The following NOX5 variants were observed in gnomAD, a reference collection of about 807,000 sequenced individuals.
NOX5 encodes NADPH oxidase, EF-hand calcium binding domain 5.
Under a neutral mutation model 85.7 loss-of-function variants are expected in NOX5, and 76 were observed. That is an observed-to-expected ratio of 0.89 (90% confidence interval 0.74 to 1.07). NOX5 has a LOEUF of 1.07. Among genes scored for constraint, NOX5 ranks in the 50% least tolerant of loss-of-function variants. The probability of loss-of-function intolerance (pLI) is 0.00; values close to 1 mark genes in which losing one functional copy is unlikely to be tolerated. For synonymous variants in NOX5, 405 were observed against 401.4 expected, an observed-to-expected ratio of 1.01 and a Z score of -0.11; for missense variants, 973 against 999.5, an observed-to-expected ratio of 0.97 and a Z score of 0.36.
chr15:69,028,143 A>C, intron 2 of NOX5, 72 bp from the exon 3 acceptor site: 1 of 1,481,058 alleles, frequency 6.8e-7, no homozygotes, highest in Non-Finnish European at 9.1e-7. Flanking sequence ...AGACACAGGG[A>C]GACAGTGAAC....
At chr15:69,028,404 T>C (rs201350487) in intron 3 of NOX5, 39 bp downstream of exon 3, 5 of 1,516,182 alleles carry the variant, frequency 3.3e-6, no homozygotes, top group Non-Finnish European at 4.4e-6. Flanking sequence ...GGTGGGGAGA[T>C]CAGTGGGCCT....
In NOX5 at chr15:69,035,912, C is replaced by A; in HGVS notation, c.1164C>A (p.Cys388Ter). 1 of 1,614,218 alleles carries A rather than the reference C, an allele frequency of 6.2e-7. No individual in the cohort carries two copies. The highest frequency in any genetic ancestry group is 1.3e-5 in the African/African-American group (1 of 75,070). ...LLLMFICSSS[C>*]IRRSGHFEVF... ...TCATGTTCATCTGCTCCAGTTCCTGCATCCGCAGGAGTGGCCACTTTGAGG... is the reference window on the plus strand; with the variant it reads ...TCATGTTCATCTGCTCCAGTTCCTGAATCCGCAGGAGTGGCCACTTTGAGG... The change falls in exon 7 of 16, where the codon TGC (cysteine) becomes TGA (stop). Residue 388 changes from cysteine to a stop codon, truncating the protein, a stop_gained. Coordinates refer to ENST00000388866, the MANE Select transcript of NOX5 (RefSeq NM_024505.4). LOFTEE classifies it high-confidence loss of function.
In NOX5 at chr15:69,047,531, T is replaced by C. The variant is rs770756222; in HGVS notation, c.1811T>C (p.Met604Thr). 25 of 1,613,598 alleles carry C rather than the reference T, an allele frequency of 1.5e-5. No homozygotes were observed. Among genetic ancestry groups the C allele is most frequent in the Non-Finnish European group, 1.9e-5 (23 of 1,179,884 alleles). Residue 604 changes from methionine to threonine, a missense_variant, in exon 12 of 16, where the codon ATG becomes ACG. Met to Thr is a moderately conservative substitution (Grantham distance 81). Coordinates refer to ENST00000388866, the MANE Select transcript of NOX5 (RefSeq NM_024505.4). ...TPFASILQSI[M>T]YRHQKRKHTC... The stretch of plus-strand genomic sequence containing the variant: ...TTTGCTTCCATTCTGCAGAGTATCA[T>C]GTACAGGTGGGTGAACAGTGTGCTC...
chr15:69,044,995 C>T (rs140893816), intron 10 of NOX5, among the ~76,000 whole-genome samples: 1,656 of 152,232 alleles, frequency 0.011, 74 homozygotes, highest in Admixed American at 0.084. Context: ...CTGGTGTACA[C>T]GAAGACAAAG....
At chr15:69,032,739 T>A (rs746413823) in intron 4 of NOX5, among the ~76,000 whole-genome samples, 6 of 152,304 alleles carry the variant, frequency 3.9e-5, no homozygotes, top group Non-Finnish European at 8.8e-5. Context: ...TTCTTGGGGC[T>A]TACTTACCAA....
At position 69,061,748 on chromosome 15, in the gene NOX5, T is replaced by A. The variant is rs1177687437; in HGVS notation, c.*5052T>A. ...CATGGCCCCAAAAGGGCTGCCCTAA[T>A]ACTACTCAGGGACAAATGGGCCCTC... On this transcript the variant is annotated 3_prime_UTR_variant, in exon 16 of 16. Coordinates refer to ENST00000388866, the MANE Select transcript of NOX5 (RefSeq NM_024505.4). The A allele has an allele frequency of 6.6e-6, 1 of 152,192 alleles. No individual in the cohort carries two copies. The allele number at this position is 152,192 out of a possible 1,614,324, so 9.4% of individuals were successfully genotyped here.
rs746649309 is a variant in NOX5 at position 69,047,848 on chromosome 15, T to C, written c.1836T>C (p.His612=). The change falls in exon 13 of 16, where the codon CAT becomes CAC. Residue 612 remains histidine (H), a synonymous_variant. Coordinates refer to ENST00000388866, the MANE Select transcript of NOX5 (RefSeq NM_024505.4). The part of the protein sequence containing the change: ...SIMYRHQKRK[H]TCPSCQHSWI... ...CCCTCAGGCACCAGAAAAGAAAGCA[T>C]ACTTGCCCCAGCTGCCAGCACTCCT... 6.8e-6 allele frequency: 11 copies of C among 1,614,082 alleles called. No homozygotes were observed. Among genetic ancestry groups the C allele is most frequent in the African/African-American group, 1.3e-5 (1 of 75,026 alleles).
In NOX5 at chr15:69,026,772, G is replaced by A. The variant is rs546118495; in HGVS notation, c.174+121G>A. 37 of 1,339,324 alleles carry A rather than the reference G, an allele frequency of 2.8e-5. No homozygotes were observed. In the African/African-American group the frequency reaches 5.1e-4, roughly 18 times the overall value. The allele number at this position is 1,339,324 out of a possible 1,614,324, so 83.0% of individuals were successfully genotyped here. A position where few individuals can be genotyped will look rare whatever the true frequency, so the allele number is the denominator to read the frequency against. ...GGGTTCCTGAGGTCTCCACCTTGTA[G>A]CGGGCTGGCGGGATGTTTATGGCAC... On this transcript the variant is annotated intron_variant, in intron 2 of 15. Coordinates refer to ENST00000388866, the MANE Select transcript of NOX5 (RefSeq NM_024505.4).
At chr15:69,037,005 G>T in intron 7 of NOX5, 23 bp from the exon 8 acceptor site, 1 of 1,609,386 alleles carries the variant, frequency 6.2e-7, no homozygotes, top group South Asian at 1.1e-5. Flanking sequence ...TCTGGAAGTT[G>T]ACTGCCCCCC....
chr15:69,048,420 C>A (rs1407696105), intron 13 of NOX5, among the ~76,000 whole-genome samples: 1 of 152,144 alleles, frequency 6.6e-6, no homozygotes, highest in African/African-American at 2.4e-5. Context: ...GTGGTCCCAG[C>A]TACTTGGGAG....
At chr15:69,048,905 C>A in intron 13 of NOX5, 54 bp from the exon 14 acceptor site, 1 of 1,339,684 alleles carries the variant, frequency 7.5e-7, no homozygotes, top group Non-Finnish European at 1.1e-6. Context: ...CAGATGTGAG[C>A]CTCCTGCAAA....
Position 69,035,238 on chromosome 15 carries a change from TGA to T in NOX5, c.856-114_856-113del, listed in dbSNP as rs2050495922. ...AAGGCATGGGGGCAGGGGACTTTGG[TGA>T]GTGTCCTGTTCAGAAAGCACAGCTA... On this transcript the variant is annotated intron_variant, in intron 5 of 15. Transcript: ENST00000388866. The T allele has an allele frequency of 1.8e-5, 21 of 1,150,682 alleles. No homozygotes were observed. In the East Asian group the frequency reaches 5.1e-4, roughly 28 times the overall value. The allele number at this position is 1,150,682 out of a possible 1,614,324, so 71.3% of individuals were successfully genotyped here.
At chr15:69,027,457 C>T (rs1398627476) in intron 2 of NOX5, among the ~76,000 whole-genome samples, 1 of 152,162 alleles carries the variant, frequency 6.6e-6, no homozygotes, top group Non-Finnish European at 1.5e-5. Flanking sequence ...TGTCAGTCCA[C>T]AGCGGACTTC....
chr15:69,023,017 T>G (rs1324990445), intron 1 of NOX5: 3 of 490,854 alleles, frequency 6.1e-6, no homozygotes, highest in African/African-American at 6.1e-5. Context: ...AGAGGAATGT[T>G]CCATGGGCCT....
intron 14 of NOX5, among the ~76,000 whole-genome samples, chr15:69,053,569 T>C (rs2050775075): frequency 1.3e-5 from 2 of 152,378 alleles, no homozygotes; most frequent in South Asian, 4.1e-4. Context: ...ATTTTGTTTA[T>C]TCCTCATTCT....
intron 7 of NOX5, 110 bp from the exon 8 acceptor site, chr15:69,036,918 G>A (rs1354071354): frequency 9.3e-6 from 8 of 856,236 alleles, no homozygotes; most frequent in Non-Finnish European, 1.5e-5. Flanking sequence ...CCGGGAGAGA[G>A]TCAAGGCTCT....
intron 1 of NOX5, among the ~76,000 whole-genome samples, chr15:69,016,824 A>G (rs2050237421): frequency 6.6e-6 from 1 of 152,106 alleles, no homozygotes; most frequent in Admixed American, 6.6e-5. Flanking sequence ...ACATACATAC[A>G]CACACTAAAA....
At chr15:69,054,797 C>G (rs1482191185) in intron 14 of NOX5, among the ~76,000 whole-genome samples, 1 of 152,222 alleles carries the variant, frequency 6.6e-6, no homozygotes, top group Non-Finnish European at 1.5e-5. Context: ...GTCCAAATTA[C>G]CTTTTCATGT....
intron 1 of NOX5, among the ~76,000 whole-genome samples, chr15:69,024,621 G>A (rs1383077818): frequency 1.3e-5 from 2 of 152,004 alleles, no homozygotes; most frequent in East Asian, 3.8e-4. Context: ...GTTATATATT[G>A]TTATAATTGT....
Sources: allele counts gnomAD v4.1 joint callset (sites outside exome capture counted in the v4.1 genomes callset), GRCh38; gene constraint gnomAD v4.1.1; transcripts MANE v1.5; gene names NCBI Gene and HGNC (gene_info 2026-07-23, HGNC 2026-07-21).